GATAD2B: variants seen among roughly 807,000 people sequenced by gnomAD.
GATAD2B encodes the protein transcriptional repressor p66-beta.
Under a neutral mutation model 64.3 loss-of-function variants are expected in GATAD2B, and 8 were observed. The ratio of observed to expected loss-of-function variants is 0.12; its 90% CI spans 0.07 to 0.22. The LOEUF (loss-of-function observed/expected upper bound fraction) is 0.22. GATAD2B is among the 10% of genes least tolerant of loss of function. The pLI is 1.00. For synonymous variants in GATAD2B, 281 were observed against 271.3 expected (o/e 1.04, Z -0.35); for missense variants, 453 against 752.0 (o/e 0.60, Z 4.65).
intron 1 of GATAD2B, among the ~76,000 whole-genome samples, chr1:153,916,926 G>GC (rs1557836244): frequency 6.6e-6 from 1 of 151,998 alleles, no homozygotes; most frequent in Non-Finnish European, 1.5e-5. Context: ...CTCTGCCTCA[G>GC]CCCCCCGAGT....
At chr1:153,905,891 AC>A (rs1677912428) in intron 1 of GATAD2B, among the ~76,000 whole-genome samples, 1 of 151,682 alleles carries the variant, frequency 6.6e-6, no homozygotes, top group African/African-American at 2.4e-5. Flanking sequence ...ACATGGTGAA[AC>A]CCTACCTCTA....
chr1:153,899,524 C>A (rs543043446), intron 1 of GATAD2B, among the ~76,000 whole-genome samples: 4 of 149,970 alleles, frequency 2.7e-5, no homozygotes, highest in Non-Finnish European at 5.9e-5. Flanking sequence ...CCCAAGATCG[C>A]GCCATTGCAC....
In GATAD2B at chr1:153,819,680, T is replaced by C; in HGVS notation, c.391A>G (p.Asn131Asp). The change falls in exon 3 of 11, where the codon AAT becomes GAT. Residue 131 changes from asparagine (N) to aspartate (D), a missense_variant. Asn to Asp is a conservative substitution (Grantham distance 23). Transcript: ENST00000368655. ...PSPDIIVLSD[N>D]EASSPRSSSR... Reference sequence around the variant, plus strand: ...CTGGAACGGGGACTGGAAGCCTCATTGTCAGACAAAACAATGATGTCTGGT... The same window carrying C: ...CTGGAACGGGGACTGGAAGCCTCATCGTCAGACAAAACAATGATGTCTGGT... The C allele has an allele frequency of 6.2e-7, 1 of 1,611,324 alleles. No homozygotes were observed. Among genetic ancestry groups the C allele is most frequent in the Non-Finnish European group, 8.5e-7 (1 of 1,178,210 alleles).
intron 1 of GATAD2B, among the ~76,000 whole-genome samples, chr1:153,880,465 A>G (rs975391293): frequency 6.6e-6 from 1 of 151,460 alleles, no homozygotes; most frequent in African/African-American, 2.4e-5. Context: ...AGACTGTCAA[A>G]AACAAAAACA....
rs1183882038 is a variant in GATAD2B, at chr1:153,813,351, GA to G, written c.1317del (p.Leu440TyrfsTer6). ...PHWKQEKNGK[I>X]LCEQCMTSNQ... ...TTGGAGGTCATACACTGCTCACATA[GA>G]ATCTTACCATTCTTTTCTTGCTTCC... On this transcript the variant is annotated frameshift_variant, in exon 8 of 11. Transcript: ENST00000368655. LOFTEE classifies it high-confidence loss of function. 1 of 1,613,836 alleles carries G rather than the reference GA, an allele frequency of 6.2e-7. No individual in the cohort carries two copies. The highest frequency in any genetic ancestry group is 8.5e-7 in the Non-Finnish European group (1 of 1,179,766).
intron 1 of GATAD2B, chr1:153,890,573 C>A (rs1677352166): frequency 6.6e-6 from 1 of 151,786 alleles, no homozygotes; most frequent in South Asian, 2.1e-4. Context: ...TGGGGGCCAT[C>A]CTGAACCTAA....
At chr1:153,908,070 T>G (rs370559969) in intron 1 of GATAD2B, among the ~76,000 whole-genome samples, 1 of 152,238 alleles carries the variant, frequency 6.6e-6, no homozygotes, top group African/African-American at 2.4e-5. Context: ...CCCAAAGTGC[T>G]GGGACTACAG....
At chr1:153,830,113 A>T (rs1402880810) in intron 1 of GATAD2B, among the ~76,000 whole-genome samples, 1 of 152,022 alleles carries the variant, frequency 6.6e-6, no homozygotes, top group African/African-American at 2.4e-5. Flanking sequence ...ACAAAACAAG[A>T]CCAAAAAATG....
At chr1:153,833,811 C>CA (rs71093292) in intron 1 of GATAD2B, among the ~76,000 whole-genome samples, 19 of 61,876 alleles carry the variant, frequency 3.1e-4, no homozygotes, top group African/African-American at 1.0e-3. Flanking sequence ...ACTCAGTCTC[C>CA]AAAAAAAAAA....
chr1:153,911,300 TGA>T (rs1678101471), intron 1 of GATAD2B, among the ~76,000 whole-genome samples: 1 of 151,798 alleles, frequency 6.6e-6, no homozygotes, highest in Non-Finnish European at 1.5e-5. Context: ...GAGGAGAGAA[TGA>T]GAGAGATACA....
intron 1 of GATAD2B, among the ~76,000 whole-genome samples, chr1:153,838,026 C>A (rs1401878653): frequency 2.0e-5 from 3 of 152,116 alleles, no homozygotes; most frequent in Non-Finnish European, 1.5e-5. Flanking sequence ...TTACTTAAAT[C>A]TTTTCAACAA....
At chr1:153,919,544 A>T (rs916589586) in intron 1 of GATAD2B, among the ~76,000 whole-genome samples, 1 of 152,224 alleles carries the variant, frequency 6.6e-6, no homozygotes, top group Admixed American at 6.5e-5. Flanking sequence ...CAAAATCCCC[A>T]AACAGGACCT....
intron 1 of GATAD2B, among the ~76,000 whole-genome samples, chr1:153,855,545 T>C (rs190980370): frequency 6.6e-6 from 1 of 152,316 alleles, no homozygotes; most frequent in East Asian, 1.9e-4. Context: ...CTATGGCTGC[T>C]ATAATAAATT....
At chr1:153,887,874 G>A (rs1382281954) in intron 1 of GATAD2B, among the ~76,000 whole-genome samples, 1 of 152,014 alleles carries the variant, frequency 6.6e-6, no homozygotes, top group Non-Finnish European at 1.5e-5. Flanking sequence ...ATCACTTGAG[G>A]ACAGGAGTTG....
chr1:153,832,879 G>A (rs927088336), intron 1 of GATAD2B, among the ~76,000 whole-genome samples: 1 of 152,120 alleles, frequency 6.6e-6, no homozygotes, highest in Non-Finnish European at 1.5e-5. Context: ...CATTTTCAAT[G>A]TAGATAAAAT....
intron 1 of GATAD2B, among the ~76,000 whole-genome samples, chr1:153,874,388 A>G (rs1405386494): frequency 6.6e-6 from 1 of 152,186 alleles, no homozygotes; most frequent in Non-Finnish European, 1.5e-5. Context: ...CTAAGAGATT[A>G]AAAATAAGTG....
intron 7 of GATAD2B, among the ~76,000 whole-genome samples, chr1:153,814,732 T>C (rs1250167725): frequency 1.3e-5 from 2 of 152,038 alleles, no homozygotes; most frequent in African/African-American, 2.4e-5. Flanking sequence ...CCACAGCACT[T>C]TGGGAAGCCG....
At chr1:153,852,720 G>T in intron 1 of GATAD2B, 1 of 928,496 alleles carries the variant, frequency 1.1e-6, no homozygotes, top group Non-Finnish European at 1.8e-6. Flanking sequence ...CTCATACGAA[G>T]TGAAGCTTGG....
At chr1:153,848,970 CA>C (rs1675786952) in intron 1 of GATAD2B, among the ~76,000 whole-genome samples, 2 of 128,198 alleles carry the variant, frequency 1.6e-5, no homozygotes, top group African/African-American at 2.8e-5. Context: ...AAAAAACAAA[CA>C]AACCCCCCCC....
Sources: gnomAD v4.1 joint callset for allele counts (sites outside exome capture counted in the v4.1 genomes callset) on GRCh38, gnomAD v4.1.1 for gene constraint, MANE v1.5 for transcripts, NCBI Gene and HGNC (gene_info 2026-07-23, HGNC 2026-07-21) for gene names.